The following CORIN variants were observed in gnomAD, a reference collection of about 807,000 sequenced individuals.
CORIN encodes atrial natriuretic peptide-converting enzyme.
CORIN carries 117 observed loss-of-function variants against 125.3 expected under a neutral mutation model. The ratio of observed to expected loss-of-function variants is 0.93; its 90% CI spans 0.80 to 1.09. The LOEUF is 1.09. Among genes scored for constraint, CORIN ranks in the 50% least tolerant of loss-of-function variants. CORIN has a pLI of 0.00. For missense variants in CORIN, 1,253 were observed against 1,306.7 expected, an observed-to-expected ratio of 0.96 and a Z score of 0.63; for synonymous variants, 450 against 466.4, an observed-to-expected ratio of 0.96 and a Z score of 0.45.
chr4:47,665,025 A>C lies in CORIN; in HGVS notation c.1589+7T>G. The C allele has an allele frequency of 6.3e-7, 1 of 1,579,334 alleles. No individual in the cohort carries two copies. On this transcript the variant is annotated splice_region_variant and intron_variant, in intron 11 of 21. Coordinates refer to ENST00000273857, the MANE Select transcript of CORIN (RefSeq NM_006587.4). ...ATAAGGGACTGGGGTAGATCCCATC[A>C]TATTACCTGCAAGGAGGGATATGCT...
At chr4:47,709,083 C>T (rs1289930975) in intron 5 of CORIN, among the ~76,000 whole-genome samples, 3 of 152,106 alleles carry the variant, frequency 2.0e-5, no homozygotes, top group Non-Finnish European at 4.4e-5. Flanking sequence ...CCCTCCCTTT[C>T]CATTTGTCGT....
chr4:47,753,857 A>G (rs575993591), intron 4 of CORIN, among the ~76,000 whole-genome samples: 6 of 152,324 alleles, frequency 3.9e-5, no homozygotes, highest in Admixed American at 3.3e-4. Flanking sequence ...AGAAGATAAC[A>G]GGATTAAGAG....
intron 8 of CORIN, 26 bp downstream of exon 8, chr4:47,680,115 A>C (rs1225646727): frequency 1.3e-6 from 2 of 1,519,858 alleles, no homozygotes; most frequent in East Asian, 4.5e-5. Context: ...AAAAATAAGC[A>C]AAACAAACGT....
intron 17 of CORIN, among the ~76,000 whole-genome samples, 184 bp downstream of exon 17, chr4:47,626,219 CTA>C (rs1225466534): frequency 6.6e-6 from 1 of 152,136 alleles, no homozygotes; most frequent in Non-Finnish European, 1.5e-5. Context: ...GAAAAAAAAT[CTA>C]TGTCTAGAAA....
chr4:47,815,571 G>A (rs892733122), intron 1 of CORIN, among the ~76,000 whole-genome samples: 2 of 152,018 alleles, frequency 1.3e-5, no homozygotes, highest in African/African-American at 4.8e-5. Context: ...TTTTGGAGAT[G>A]ACTTTGCCCT....
intron 8 of CORIN, among the ~76,000 whole-genome samples, chr4:47,678,627 A>G (rs1201754969): frequency 2.0e-5 from 3 of 152,236 alleles, no homozygotes; most frequent in Non-Finnish European, 4.4e-5. Flanking sequence ...CTTTATTTCA[A>G]CACTTGTTTA....
chr4:47,771,903 C>T (rs541202806), intron 3 of CORIN, among the ~76,000 whole-genome samples: 23 of 152,268 alleles, frequency 1.5e-4, no homozygotes, highest in African/African-American at 5.5e-4. Context: ...GTATTTTGTG[C>T]AATGCCACGT....
At chr4:47,733,275 G>A (rs532818716) in intron 5 of CORIN, among the ~76,000 whole-genome samples, 21 of 152,306 alleles carry the variant, frequency 1.4e-4, no homozygotes, top group African/African-American at 3.4e-4. Flanking sequence ...CATGCTCAGC[G>A]CCTTCACGAT....
chr4:47,631,431 T>C (rs1722802626), intron 16 of CORIN, among the ~76,000 whole-genome samples: 1 of 151,994 alleles, frequency 6.6e-6, no homozygotes, highest in African/African-American at 2.4e-5. Context: ...GAACTGCGCA[T>C]GCAAGGGATC....
intron 16 of CORIN, among the ~76,000 whole-genome samples, chr4:47,632,757 A>AGATAGATAGATAGATAGATAGAT (rs1219555317): frequency 0.054 from 7,384 of 136,854 alleles, 369 homozygotes; most frequent in East Asian, 0.14. Flanking sequence ...ATAGATAGAT[A>AGATAGATAGATAGATAGATAGAT]GATAGATAGA....
chr4:47,833,561 T>C (rs1223919485), intron 1 of CORIN, among the ~76,000 whole-genome samples: 1 of 147,418 alleles, frequency 6.8e-6, no homozygotes, highest in Non-Finnish European at 1.5e-5. Context: ...CAAATAAGAT[T>C]ATGCTAAACT....
intron 10 of CORIN, among the ~76,000 whole-genome samples, chr4:47,667,144 T>C (rs2109677988): frequency 6.6e-6 from 1 of 152,328 alleles, no homozygotes; most frequent in Non-Finnish European, 1.5e-5. Context: ...CACCTTTCAC[T>C]TGGCTCTCAT....
chr4:47,738,741 G>T (rs2109828236), intron 5 of CORIN, among the ~76,000 whole-genome samples: 1 of 152,230 alleles, frequency 6.6e-6, no homozygotes, highest in East Asian at 1.9e-4. Context: ...CTCAGACATT[G>T]AATTTACTGG....
At chr4:47,702,499 T>C (rs1726348203) in intron 5 of CORIN, among the ~76,000 whole-genome samples, 1 of 152,166 alleles carries the variant, frequency 6.6e-6, no homozygotes, top group Admixed American at 6.5e-5. Context: ...AAATCATCAG[T>C]TTGAAGAGCC....
chr4:47,833,521 C>CAAA, intron 1 of CORIN, among the ~76,000 whole-genome samples: 1 of 115,040 alleles, frequency 8.7e-6, no homozygotes, highest in Non-Finnish European at 1.7e-5. Flanking sequence ...AAAGCATAGG[C>CAAA]AAAAAAAAAA....
chr4:47,827,556 T>C (rs937936585), intron 1 of CORIN, among the ~76,000 whole-genome samples: 3 of 152,194 alleles, frequency 2.0e-5, no homozygotes, highest in Non-Finnish European at 4.4e-5. Context: ...ACTGATTTCC[T>C]GGTTTGGGTT....
intron 4 of CORIN, among the ~76,000 whole-genome samples, chr4:47,759,928 C>T (rs1470863824): frequency 6.6e-6 from 1 of 152,196 alleles, no homozygotes; most frequent in African/African-American, 2.4e-5. Context: ...AAGTCTTGAA[C>T]TTCTCAAAGT....
chr4:47,611,136 T>C (rs185001770), intron 19 of CORIN, among the ~76,000 whole-genome samples: 31 of 152,330 alleles, frequency 2.0e-4, no homozygotes, highest in Non-Finnish European at 4.3e-4. Context: ...GTGAAGAATG[T>C]CAATGGCAGT....
chr4:47,775,534 C>G (rs562854528), intron 3 of CORIN, among the ~76,000 whole-genome samples: 1 of 152,258 alleles, frequency 6.6e-6, no homozygotes, highest in South Asian at 2.1e-4. Context: ...CATGTCCCTA[C>G]AAAGTCATGA....
Sources: allele counts gnomAD v4.1 joint callset (sites outside exome capture counted in the v4.1 genomes callset), GRCh38; gene constraint gnomAD v4.1.1; transcripts MANE v1.5; gene names NCBI Gene and HGNC (gene_info 2026-07-23, HGNC 2026-07-21).